Variants in SGO2 observed in about 807,000 individuals in gnomAD.
SGO2 encodes the protein shugoshin 2.
In SGO2, 68 loss-of-function variants were observed where a neutral mutation model predicts 99.5. The ratio of observed to expected loss-of-function variants is 0.68; its 90% CI spans 0.56 to 0.84. The LOEUF is 0.84. Ranked by LOEUF, SGO2 falls within the 40% of genes least tolerant of loss-of-function variation. The pLI is 0.00. For synonymous variants in SGO2, 457 were observed against 487.1 expected (o/e 0.94, Z 0.81); for missense variants, 1,350 against 1,436.7 (o/e 0.94, Z 0.97).
chr2:200,536,140 G>C lies in SGO2; in HGVS notation c.385G>C (p.Glu129Gln). The C allele has an allele frequency of 6.3e-7, 1 of 1,579,254 alleles. No homozygotes were observed. Among genetic ancestry groups the C allele is most frequent in the Non-Finnish European group, 8.7e-7 (1 of 1,153,996 alleles). The change falls in exon 4 of 9, where the codon GAG becomes CAG. Residue 129 changes from glutamate (E) to glutamine (Q), a missense_variant and splice_region_variant. By Grantham distance (29) the Glu-to-Gln change is conservative. Transcript: ENST00000357799. ...TGCAATTGAAATGAGCAGTCTTTCT[G>C]AGGTAAGTAGAATTTATATGTAAAT... ...ITAIEMSSLS[E>Q]FHQSSFLLSA...
At chr2:200,547,739 C>T (rs2032289032) in intron 5 of SGO2, among the ~76,000 whole-genome samples, 1 of 152,050 alleles carries the variant, frequency 6.6e-6, no homozygotes, top group African/African-American at 2.4e-5. Flanking sequence ...TGAGACCTAC[C>T]TATGTGCTCC....
At chr2:200,579,222 T>C (rs769641612) in intron 8 of SGO2, among the ~76,000 whole-genome samples, 1 of 152,258 alleles carries the variant, frequency 6.6e-6, no homozygotes, top group Non-Finnish European at 1.5e-5. Context: ...TGTGTCAGTT[T>C]ATATCTTGTT....
Position 200,570,924 on chromosome 2 carries a change from G to A in SGO2, c.704-126G>A. 1 of 752,794 alleles carries A rather than the reference G, an allele frequency of 1.3e-6. No individual in the cohort carries two copies. Among genetic ancestry groups the A allele is most frequent in the South Asian group, 2.6e-5 (1 of 37,836 alleles). 46.6% of individuals were successfully genotyped at this position (752,794 alleles called of 1,614,324 possible). ...AAGCATAGATTCTTAGTAATATTAG[G>A]ATCTGATCAGAACACATTGTCAGAA... On this transcript the variant is annotated intron_variant, in intron 6 of 8. Coordinates refer to ENST00000357799, the MANE Select transcript of SGO2 (RefSeq NM_152524.6). The surrounding 1 kb of genome is among the most constrained non-coding windows in gnomAD (Gnocchi z 4.4).
chr2:200,547,238 A>C (rs1460940929), intron 5 of SGO2, among the ~76,000 whole-genome samples: 2 of 152,208 alleles, frequency 1.3e-5, no homozygotes, highest in Non-Finnish European at 1.5e-5. Flanking sequence ...GCACTCAAAC[A>C]ACACCAACGA....
chr2:200,527,407 G>C (rs1407218044), intron 1 of SGO2, among the ~76,000 whole-genome samples: 5 of 152,172 alleles, frequency 3.3e-5, no homozygotes, highest in Non-Finnish European at 5.9e-5. Context: ...GCAACAGTTT[G>C]TGGGGAGTTT....
chr2:200,570,994 GGT>G lies in SGO2; in HGVS notation c.704-55_704-54del. Reference sequence around the variant, plus strand: ...TTGATTTCGAATCTAATTTGTTTAAGGTAACTTATTTATTTCATTACTTGTTT... The same window carrying G: ...TTGATTTCGAATCTAATTTGTTTAAGAACTTATTTATTTCATTACTTGTTT... On this transcript the variant is annotated intron_variant, in intron 6 of 8. Coordinates refer to ENST00000357799, the MANE Select transcript of SGO2 (RefSeq NM_152524.6). The surrounding 1 kb of genome is among the most constrained non-coding windows in gnomAD (Gnocchi z 4.4). The G allele has an allele frequency of 6.8e-6, 10 of 1,467,904 alleles. No homozygotes were observed. Among genetic ancestry groups the G allele is most frequent in the Non-Finnish European group, 9.1e-6 (10 of 1,096,212 alleles). The allele number at this position is 1,467,904 out of a possible 1,614,324, so 90.9% of individuals were successfully genotyped here.
At chr2:200,554,314 T>C (rs1486201579) in intron 5 of SGO2, among the ~76,000 whole-genome samples, 1 of 152,208 alleles carries the variant, frequency 6.6e-6, no homozygotes, top group African/African-American at 2.4e-5. Flanking sequence ...CAGACTTACA[T>C]TGGTTCAGTC....
chr2:200,545,700 C>G (rs1276621598), intron 5 of SGO2, among the ~76,000 whole-genome samples: 1 of 152,144 alleles, frequency 6.6e-6, no homozygotes, highest in African/African-American at 2.4e-5. Flanking sequence ...GCCCCTCCCT[C>G]CCATTCTGCC....
chr2:200,538,110 CTCT>C (rs1284519570), intron 4 of SGO2, among the ~76,000 whole-genome samples: 4 of 152,140 alleles, frequency 2.6e-5, no homozygotes, highest in Non-Finnish European at 5.9e-5. Context: ...TCTATGTATT[CTCT>C]TCTTATTATA....
At chr2:200,542,884 T>A (rs1225335080) in intron 5 of SGO2, 1 of 347,890 alleles carries the variant, frequency 2.9e-6, no homozygotes, top group Admixed American at 4.3e-5. Context: ...AATGTCTTGC[T>A]ACTTTATAGT....
intron 4 of SGO2, among the ~76,000 whole-genome samples, chr2:200,542,221 AT>A (rs2031994483): frequency 6.6e-6 from 1 of 152,184 alleles, no homozygotes. Flanking sequence ...TTAAAAAGCC[AT>A]TTAAAAGATG....
chr2:200,576,832 A>G (rs1335846901), intron 8 of SGO2, among the ~76,000 whole-genome samples: 1 of 152,172 alleles, frequency 6.6e-6, no homozygotes, highest in Non-Finnish European at 1.5e-5. Flanking sequence ...TTCACCCAGC[A>G]TGTTTTAAAG....
chr2:200,548,670 G>GT (rs930726515), intron 5 of SGO2, among the ~76,000 whole-genome samples: 12 of 152,062 alleles, frequency 7.9e-5, no homozygotes, highest in Non-Finnish European at 1.5e-4. Flanking sequence ...TGAAAAGTTG[G>GT]TTTTTTGAAA....
At chr2:200,548,804 TA>T (rs756649143) in intron 5 of SGO2, among the ~76,000 whole-genome samples, 27 of 152,268 alleles carry the variant, frequency 1.8e-4, no homozygotes, top group Admixed American at 3.3e-4. Flanking sequence ...TAGAGACGAT[TA>T]TGAATAATTA....
intron 5 of SGO2, among the ~76,000 whole-genome samples, chr2:200,552,463 T>C (rs1004323808): frequency 6.6e-6 from 1 of 152,324 alleles, no homozygotes; most frequent in Admixed American, 6.5e-5. Flanking sequence ...AGCAGTGGTA[T>C]GGGCTGTTCA....
chr2:200,536,286 A>G, intron 4 of SGO2, 144 bp downstream of exon 4: 2 of 460,804 alleles, frequency 4.3e-6, no homozygotes. Context: ...ACTGGCTAAC[A>G]GCATATTATC....
chr2:200,562,628 ATC>A (rs1164019768), intron 5 of SGO2, among the ~76,000 whole-genome samples: 1 of 152,142 alleles, frequency 6.6e-6, no homozygotes, highest in Non-Finnish European at 1.5e-5. Context: ...ATGGCATTGA[ATC>A]TATAAATTAC....
At chr2:200,547,324 G>A (rs551485764) in intron 5 of SGO2, among the ~76,000 whole-genome samples, 10 of 152,238 alleles carry the variant, frequency 6.6e-5, no homozygotes, top group Middle Eastern at 3.4e-3. Flanking sequence ...AGTCTTTCAC[G>A]GATAAACAAA....
At chr2:200,581,872 TAC>T (rs897161021) in intron 8 of SGO2, among the ~76,000 whole-genome samples, 3 of 152,190 alleles carry the variant, frequency 2.0e-5, no homozygotes, top group Admixed American at 6.5e-5. Flanking sequence ...TTAGAATAGG[TAC>T]TTCTTTTGAA....
Sources: gnomAD v4.1 joint callset for allele counts (sites outside exome capture counted in the v4.1 genomes callset) on GRCh38, gnomAD v4.1.1 for gene constraint, Gnocchi (gnomAD v3.1) non-coding constraint, MANE v1.5 for transcripts, NCBI Gene and HGNC (gene_info 2026-07-23, HGNC 2026-07-21) for gene names.